Variants in GTF3C2 observed in about 807,000 individuals in gnomAD.
The protein encoded by GTF3C2 is general transcription factor IIIC subunit 2.
In GTF3C2, 17 loss-of-function variants were observed where a neutral mutation model predicts 117.4. That is an observed-to-expected ratio of 0.14 (90% CI 0.10 to 0.22). The LOEUF is 0.22. Ranked by LOEUF, GTF3C2 falls within the 10% of genes least tolerant of loss-of-function variation. The pLI is 1.00. For synonymous variants in GTF3C2, 437 were observed against 427.0 expected (o/e 1.02, Z -0.29); for missense variants, 888 against 1,143.6 (o/e 0.78, Z 3.22).
chr2:27,341,261 C>T (rs774349792), intron 4 of GTF3C2, among the ~76,000 whole-genome samples: 3 of 152,122 alleles, frequency 2.0e-5, no homozygotes, highest in Non-Finnish European at 2.9e-5. Flanking sequence ...GTCTCAAACT[C>T]CTGACCTCGG....
chr2:27,348,157 C>T (rs150210271), intron 1 of GTF3C2, among the ~76,000 whole-genome samples: 3 of 152,072 alleles, frequency 2.0e-5, no homozygotes, highest in Admixed American at 2.0e-4. Context: ...ATCCCAGCTA[C>T]TTGGGAGGCT....
intron 4 of GTF3C2, chr2:27,340,903 G>A (rs1394922210): frequency 6.6e-6 from 1 of 152,102 alleles, no homozygotes; most frequent in African/African-American, 2.4e-5. Flanking sequence ...TGGGATTACA[G>A]GCGTGAGCCA....
At chr2:27,328,384 T>G (rs1680160906) in intron 16 of GTF3C2, 84 bp downstream of exon 16, 1 of 1,422,690 alleles carries the variant, frequency 7.0e-7, no homozygotes, top group South Asian at 1.2e-5. Context: ...CCGGGAGACC[T>G]GACACTAGTT....
intron 1 of GTF3C2, chr2:27,350,522 G>A (rs1681092552): frequency 3.0e-6 from 3 of 985,478 alleles, no homozygotes; most frequent in African/African-American, 1.7e-5. Flanking sequence ...GTGCTGGGCT[G>A]GGCGCAGTGG....
At chr2:27,331,191 C>G (rs920470892) in intron 12 of GTF3C2, among the ~76,000 whole-genome samples, 1 of 152,062 alleles carries the variant, frequency 6.6e-6, no homozygotes, top group African/African-American at 2.4e-5. Context: ...AGAACAGCAT[C>G]GAGAATCATG....
At chr2:27,326,868 G>C (rs753085863) in exon 19 of GTF3C2, 20 of 1,613,402 alleles carry the variant, frequency 1.2e-5, no homozygotes, top group Non-Finnish European at 1.6e-5. Flanking sequence ...CCATCCATAG[G>C]AGTCCAGGTT....
chr2:27,335,720 G>C lies in GTF3C2; in HGVS notation c.1468-14C>G. The C allele has an allele frequency of 2.0e-6, 3 of 1,498,042 alleles. No individual in the cohort carries two copies. Among genetic ancestry groups the C allele is most frequent in the Non-Finnish European group, 2.7e-6 (3 of 1,096,548 alleles). 92.8% of individuals were successfully genotyped at this position (1,498,042 alleles called of 1,614,324 possible). A position where few individuals can be genotyped will look rare whatever the true frequency, so the allele number is the denominator to read the frequency against. On this transcript the variant is annotated splice_polypyrimidine_tract_variant and intron_variant, in intron 9 of 18. Coordinates refer to ENST00000264720, the Ensembl canonical transcript of GTF3C2. ...CAGGAGAGGAGCCTAAAGGGTAAAA[G>C]GTATGCTGAGGCTTGCTGCCTTCAG... is the stretch of plus-strand genomic sequence containing the variant.
chr2:27,352,598 T>A (rs1681173534), intron 1 of GTF3C2, among the ~76,000 whole-genome samples: 1 of 152,204 alleles, frequency 6.6e-6, no homozygotes. Flanking sequence ...ATAACTATCC[T>A]TCACCCCATA....
At chr2:27,328,308 C>G in intron 16 of GTF3C2, 119 bp from the exon 17 acceptor site, 1 of 1,009,490 alleles carries the variant, frequency 9.9e-7, no homozygotes, top group Non-Finnish European at 1.5e-6. Flanking sequence ...TAAATATATG[C>G]TCAGATGCAG....
Position 27,335,586 on chromosome 2 carries a change from T to C in GTF3C2, c.1576+12A>G. 1 of 1,424,294 alleles carries C rather than the reference T, an allele frequency of 7.0e-7. No individual in the cohort carries two copies. Among genetic ancestry groups the C allele is most frequent in the Non-Finnish European group, 9.7e-7 (1 of 1,030,552 alleles). The allele number at this position is 1,424,294 out of a possible 1,614,324, so 88.2% of individuals were successfully genotyped here. ...ACTACAGCAGCCCCATTCTCCTTGC[T>C]GTGCTACTCACCTGGGGGTTGCTGA... On this transcript the variant is annotated intron_variant, in intron 10 of 18. Transcript: ENST00000264720.
In GTF3C2 at chr2:27,327,384, G is replaced by A. The variant is rs181191266; in HGVS notation, c.2410-100C>T. 181 of 575,424 alleles carry A rather than the reference G, an allele frequency of 3.1e-4. No individual in the cohort carries two copies. The East Asian group carries it at 5.4e-3, about 17-fold the overall frequency. 35.6% of individuals were successfully genotyped at this position (575,424 alleles called of 1,614,324 possible). A position where few individuals can be genotyped will look rare whatever the true frequency, so the allele number is the denominator to read the frequency against. The stretch of plus-strand genomic sequence containing the variant: ...GTCACCCAGGCTGGAGTGCAGTGGC[G>A]CGATCTTGGCAGCTCACTACAACCT... On this transcript the variant is annotated intron_variant, in intron 17 of 18. Coordinates refer to ENST00000264720, the Ensembl canonical transcript of GTF3C2.
intron 1 of GTF3C2, among the ~76,000 whole-genome samples, chr2:27,352,821 C>T (rs1326509383): frequency 6.6e-6 from 1 of 152,136 alleles, no homozygotes; most frequent in Non-Finnish European, 1.5e-5. Context: ...ATGGACATTT[C>T]TCAGCCTCAT....
intron 1 of GTF3C2, among the ~76,000 whole-genome samples, chr2:27,349,144 ATTTTT>A (rs36040548): frequency 2.5e-5 from 1 of 39,216 alleles, no homozygotes; most frequent in African/African-American, 6.6e-5. Context: ...GCCTGATTTG[ATTTTT>A]TTTTTTTTTT....
In GTF3C2 at chr2:27,336,035, A is replaced by G. The variant is rs974864209; in HGVS notation, c.1356-7T>C. ...GTGGGCCCTGTTGCCAGGACTGGAG[A>G]GAGAGAGCATGTGGGGATGGTGGGT... On this transcript the variant is annotated splice_polypyrimidine_tract_variant and splice_region_variant and intron_variant, in intron 8 of 18. Transcript: ENST00000264720. 6.3e-7 allele frequency: 1 copy of G among 1,587,062 alleles called. No individual in the cohort carries two copies. Among genetic ancestry groups the G allele is most frequent in the African/African-American group, 1.3e-5 (1 of 74,380 alleles).
intron 12 of GTF3C2, among the ~76,000 whole-genome samples, chr2:27,331,928 G>C (rs1680284605): frequency 6.6e-6 from 1 of 152,050 alleles, no homozygotes; most frequent in Admixed American, 6.6e-5. Flanking sequence ...GACAGAGTGA[G>C]ACCCTATCTG....
In GTF3C2 at chr2:27,329,772, TAGGGTGAACACACCTAGTGCAGAG is replaced by T. The variant is rs1433277645; in HGVS notation, c.1733-273_1733-250del. On this transcript the variant is annotated intron_variant, in intron 12 of 18. Transcript: ENST00000264720. This position sits in a 1 kb window ranked among gnomAD's most constrained non-coding sequence, Gnocchi z 4.5. ...TCTGGAATCTACAGTTGAAAAATGA[TAGGGTGAACACACCTAGTGCAGAG>T]AGTAGAATGCACCTCTCTCTACTCC... Among the ~76,000 whole-genome samples, 3 of 152,266 alleles carry T rather than the reference TAGGGTGAACACACCTAGTGCAGAG, an allele frequency of 2.0e-5. No homozygotes were observed. The highest frequency in any genetic ancestry group is 4.4e-5 in the Non-Finnish European group (3 of 68,004).
At chr2:27,338,344 C>T (rs1427070538) in intron 4 of GTF3C2, 1 of 312,710 alleles carries the variant, frequency 3.2e-6, no homozygotes, top group African/African-American at 2.2e-5. Context: ...CTCCTCTCCC[C>T]TCTCTTAATA....
Position 27,329,945 on chromosome 2 carries a change from G to A in GTF3C2, c.1733-422C>T, listed in dbSNP as rs193248469. On this transcript the variant is annotated intron_variant, in intron 12 of 18. Transcript: ENST00000264720. The surrounding 1 kb of genome is among the most constrained non-coding windows in gnomAD (Gnocchi z 4.5). ...GGATCACCTGAGGTCAGGAGTTTGA[G>A]ACCAGCCTGATCAACATGGTGAAAC... Among the ~76,000 whole-genome samples the A allele has an allele frequency of 3.3e-5, 5 of 152,060 alleles. No individual in the cohort carries two copies. In the East Asian group the frequency reaches 9.7e-4, roughly 29 times the overall value.
intron 1 of GTF3C2, chr2:27,350,341 CA>C (rs1489946892): frequency 1.1e-6 from 1 of 877,314 alleles, no homozygotes; most frequent in African/African-American, 1.8e-5. Flanking sequence ...ATGGGGCCAG[CA>C]CCTTGTGTTT....
Sources: gnomAD v4.1 joint callset for allele counts (sites outside exome capture counted in the v4.1 genomes callset) on GRCh38, gnomAD v4.1.1 for gene constraint, Gnocchi (gnomAD v3.1) non-coding constraint, MANE v1.5 for transcripts, NCBI Gene and HGNC (gene_info 2026-07-23, HGNC 2026-07-21) for gene names.